Variants in AXL observed in about 807,000 individuals in gnomAD.
The protein encoded by AXL is AXL receptor tyrosine kinase.
A neutral mutation model predicts 104.5 loss-of-function variants in AXL; 52 were observed. The observed-to-expected ratio is 0.50, with a 90% CI of 0.40 to 0.63. AXL has a LOEUF of 0.63. AXL is among the 20% of genes least tolerant of loss of function. AXL has a pLI of 0.00. For missense variants in AXL, 1,024 were observed against 1,188.5 expected (o/e 0.86, Z 2.04); for synonymous variants, 455 against 473.7 (o/e 0.96, Z 0.51).
intron 18 of AXL, among the ~76,000 whole-genome samples, 165 bp from the exon 19 acceptor site, chr19:41,257,328 G>C (rs528192314): frequency 1.3e-5 from 2 of 152,298 alleles, no homozygotes; most frequent in African/African-American, 4.8e-5. Flanking sequence ...ACAGGCATCA[G>C]CCACCGCACC....
At chr19:41,251,740 AAAAAC>A (rs528222318) in intron 14 of AXL, among the ~76,000 whole-genome samples, 13 of 150,744 alleles carry the variant, frequency 8.6e-5, no homozygotes, top group East Asian at 1.9e-4. Context: ...AAACAAAAAC[AAAAAC>A]AAAACAAAAC....
chr19:41,241,999 C>A (rs1035072403), intron 10 of AXL, among the ~76,000 whole-genome samples: 1 of 152,186 alleles, frequency 6.6e-6, no homozygotes, highest in African/African-American at 2.4e-5. Flanking sequence ...TATCTACACT[C>A]TAGTCCACCC....
At chr19:41,226,821 C>T in intron 4 of AXL, 1 of 984,802 alleles carries the variant, frequency 1.0e-6, no homozygotes, top group Admixed American at 6.1e-5. Context: ...GGGCCGGGCA[C>T]CGAGTGGCTC....
At chr19:41,236,786 GAAAA>G (rs56927752) in intron 6 of AXL, among the ~76,000 whole-genome samples, 2 of 132,040 alleles carry the variant, frequency 1.5e-5, no homozygotes, top group African/African-American at 5.4e-5. Flanking sequence ...CCAAAAAAAG[GAAAA>G]AAAAAAAAAA....
intron 14 of AXL, 118 bp from the exon 15 acceptor site, chr19:41,252,233 C>T: frequency 1.2e-6 from 1 of 834,038 alleles, no homozygotes; most frequent in African/African-American, 1.7e-5. Flanking sequence ...CTGGTACTTA[C>T]TAATCATGTT....
chr19:41,219,320 G>A lies in AXL; in HGVS notation c.-73G>A, dbSNP rs2033740768. The A allele has an allele frequency of 7.0e-7, 1 of 1,427,344 alleles. No homozygotes were observed. Among genetic ancestry groups the A allele is most frequent in the Non-Finnish European group, 9.5e-7 (1 of 1,057,774 alleles). 88.4% of individuals were successfully genotyped at this position (1,427,344 alleles called of 1,614,324 possible). A position where few individuals can be genotyped will look rare whatever the true frequency, so the allele number is the denominator to read the frequency against. ...TCCGGGGAGCCTGGAGCTGGGGGGA[G>A]GGCCGGGGACAGCCCGGCCCTGCCC... On this transcript the variant is annotated 5_prime_UTR_variant, in exon 1 of 20. Coordinates refer to ENST00000301178, the MANE Select transcript of AXL (RefSeq NM_021913.5).
intron 10 of AXL, 134 bp downstream of exon 10, chr19:41,239,854 T>C (rs1449552243): frequency 7.6e-7 from 1 of 1,323,958 alleles, no homozygotes; most frequent in Non-Finnish European, 1.1e-6. Flanking sequence ...CTTGAGTTTG[T>C]GTGGTCCTTG....
At chr19:41,230,854 G>T in intron 4 of AXL, 113 bp from the exon 5 acceptor site, 1 of 1,074,518 alleles carries the variant, frequency 9.3e-7, no homozygotes. Flanking sequence ...AAGTGCCTGT[G>T]TGGGCTGCAC....
chr19:41,244,001 T>C (rs1321916861), intron 12 of AXL: 1 of 300,302 alleles, frequency 3.3e-6, no homozygotes, highest in African/African-American at 2.2e-5. Context: ...AGCCCAGGAG[T>C]TCGAGAACAG....
chr19:41,236,747 A>G (rs1409429353), intron 6 of AXL, among the ~76,000 whole-genome samples: 1 of 151,206 alleles, frequency 6.6e-6, no homozygotes, highest in Admixed American at 6.6e-5. Flanking sequence ...ACTGCACTAT[A>G]GCCTGGGCGA....
chr19:41,243,915 A>C, intron 12 of AXL: 1 of 516,898 alleles, frequency 1.9e-6, no homozygotes, highest in Non-Finnish European at 3.5e-6. Context: ...TAAATCTTAG[A>C]AACACCAAGG....
intron 17 of AXL, among the ~76,000 whole-genome samples, chr19:41,253,946 G>A (rs1441369656): frequency 6.6e-6 from 1 of 152,030 alleles, no homozygotes; most frequent in Admixed American, 6.6e-5. Flanking sequence ...GGTGGGCTCA[G>A]TGCACAGCAT....
At chr19:41,234,615 A>G (rs1194576147) in intron 6 of AXL, among the ~76,000 whole-genome samples, 3 of 152,238 alleles carry the variant, frequency 2.0e-5, no homozygotes, top group Non-Finnish European at 4.4e-5. Context: ...AGCAGTTTAT[A>G]TGCATCATGT....
chr19:41,256,381 G>T (rs554023003), intron 17 of AXL, 71 bp from the exon 18 acceptor site: 1 of 1,563,476 alleles, frequency 6.4e-7, no homozygotes, highest in South Asian at 1.2e-5. Context: ...AGATGTGTCT[G>T]AGAGCCAGGG....
intron 17 of AXL, 103 bp downstream of exon 17, chr19:41,253,811 A>G (rs2122281725): frequency 2.2e-6 from 2 of 929,288 alleles, no homozygotes; most frequent in Non-Finnish European, 3.4e-6. Flanking sequence ...ACACCCGCTG[A>G]GGGCAGGTCA....
chr19:41,226,161 C>T (rs2033876481), intron 4 of AXL, among the ~76,000 whole-genome samples: 1 of 152,178 alleles, frequency 6.6e-6, no homozygotes, highest in South Asian at 2.1e-4. Context: ...CGAAGCCGGC[C>T]GGAAGCGCTG....
rs1274810041 is a variant in AXL, at chr19:41,259,926, C to A, written c.*22C>A. On this transcript the variant is annotated 3_prime_UTR_variant, in exon 20 of 20. Coordinates refer to ENST00000301178, the MANE Select transcript of AXL (RefSeq NM_021913.5). Reference sequence around the variant, plus strand: ...CTGAGACAACCCTCCACCTGGTACTCCCTCTCAGGATCCAAGCTAAGCACT... The same window carrying A: ...CTGAGACAACCCTCCACCTGGTACTACCTCTCAGGATCCAAGCTAAGCACT... 3.9e-6 allele frequency: 6 copies of A among 1,526,436 alleles called. No homozygotes were observed. The highest frequency in any genetic ancestry group is 4.4e-6 in the Non-Finnish European group (5 of 1,133,894). 94.6% of individuals were successfully genotyped at this position (1,526,436 alleles called of 1,614,324 possible).
intron 6 of AXL, among the ~76,000 whole-genome samples, chr19:41,236,804 AAAAG>A (rs2034088522): frequency 6.6e-6 from 1 of 151,996 alleles, no homozygotes; most frequent in Non-Finnish European, 1.5e-5. Flanking sequence ...AAAAAAAAGA[AAAAG>A]AAATGAGATG....
intron 10 of AXL, among the ~76,000 whole-genome samples, chr19:41,242,285 G>A (rs1179239662): frequency 6.9e-6 from 1 of 144,110 alleles, no homozygotes; most frequent in Non-Finnish European, 1.5e-5. Flanking sequence ...AAAGTCTGAT[G>A]CTCTACCACC....
Sources: allele counts gnomAD v4.1 joint callset (sites outside exome capture counted in the v4.1 genomes callset), GRCh38; gene constraint gnomAD v4.1.1; transcripts MANE v1.5; gene names NCBI Gene and HGNC (gene_info 2026-07-23, HGNC 2026-07-21).